DNAJC25: variants seen among roughly 807,000 people sequenced by gnomAD.
DNAJC25 encodes the protein dnaJ homolog subfamily C member 25.
In DNAJC25, 26 loss-of-function variants were observed where a neutral mutation model predicts 42.1. That is an observed-to-expected ratio of 0.62 (90% CI 0.45 to 0.86). The LOEUF is 0.86. Ranked by LOEUF, DNAJC25 falls within the 40% of genes least tolerant of loss-of-function variation. DNAJC25 has a pLI of 0.00. For missense variants in DNAJC25, 404 were observed against 459.4 expected, an observed-to-expected ratio of 0.88 and a Z score of 1.10; for synonymous variants, 189 against 179.9, an observed-to-expected ratio of 1.05 and a Z score of -0.40.
rs776960637 is a variant in DNAJC25, at chr9:111,649,610, A to T, written c.647A>T (p.Asp216Val). The T allele has an allele frequency of 1.2e-6, 2 of 1,614,146 alleles. No homozygotes were observed. Among genetic ancestry groups the T allele is most frequent in the East Asian group, 2.2e-5 (1 of 44,888 alleles). The change falls in exon 3 of 4, where the codon GAC becomes GTC. Residue 216 changes from aspartate (D) to valine (V), a missense_variant. Transcript: ENST00000313525. ...AAAAAGTCCAAAGAAGAAATTCGTG[A>T]CGAGGAGGAGAACATCATAAAGAAC... ...KNKKSKEEIR[D>V]EEENIIKNII...
intron 3 of DNAJC25, among the ~76,000 whole-genome samples, chr9:111,650,283 C>T (rs952861282): frequency 1.1e-4 from 16 of 146,494 alleles, no homozygotes; most frequent in Admixed American, 4.8e-4. Flanking sequence ...ATACTGTAAA[C>T]CTAGCCACAG....
At chr9:111,643,897 C>G (rs1331400489) in intron 1 of DNAJC25, among the ~76,000 whole-genome samples, 1 of 152,106 alleles carries the variant, frequency 6.6e-6, no homozygotes, top group African/African-American at 2.4e-5. Flanking sequence ...TAGGTTGATT[C>G]TAAACTTTGT....
intron 3 of DNAJC25, 90 bp downstream of exon 3, chr9:111,650,013 T>G: frequency 8.3e-7 from 1 of 1,197,764 alleles, no homozygotes; most frequent in Non-Finnish European, 1.1e-6. Flanking sequence ...AGAAGTGTGC[T>G]CACATTTCTG....
intron 2 of DNAJC25, among the ~76,000 whole-genome samples, chr9:111,649,043 T>C (rs1386559906): frequency 6.6e-6 from 1 of 152,158 alleles, no homozygotes; most frequent in Non-Finnish European, 1.5e-5. Context: ...TTAAACAAAT[T>C]CCTCACCAGC....
At chr9:111,641,305 A>G (rs1830457520) in intron 1 of DNAJC25, among the ~76,000 whole-genome samples, 1 of 134,468 alleles carries the variant, frequency 7.4e-6, no homozygotes, top group Admixed American at 7.3e-5. Context: ...CCTACTGGGA[A>G]GTGAGGAGCC....
intron 1 of DNAJC25, among the ~76,000 whole-genome samples, chr9:111,641,674 TG>T (rs1187035381): frequency 0.26 from 4,469 of 17,228 alleles, 8 homozygotes; most frequent in African/African-American, 0.3. Flanking sequence ...GGGAGGGAGG[TG>T]GGGGGGGGGT....
intron 1 of DNAJC25, chr9:111,642,730 G>A (rs1830500869): frequency 6.1e-6 from 2 of 328,392 alleles, no homozygotes; most frequent in Admixed American, 6.3e-5. Context: ...TTCAAGGGCA[G>A]GAACATAATA....
At chr9:111,646,079 A>G (rs1011399983) in intron 1 of DNAJC25, among the ~76,000 whole-genome samples, 12 of 152,184 alleles carry the variant, frequency 7.9e-5, no homozygotes, top group Admixed American at 4.6e-4. Flanking sequence ...GGCAAAACAG[A>G]CTTTTGTTTT....
In DNAJC25 at chr9:111,653,934, TA is replaced by T. The variant is rs1830704276; in HGVS notation, c.*713del. 1.3e-5 allele frequency: 2 copies of T among 152,762 alleles called. No homozygotes were observed. Among genetic ancestry groups the T allele is most frequent in the African/African-American group, 4.8e-5 (2 of 41,582 alleles). The allele number at this position is 152,762 out of a possible 1,614,324, so 9.5% of individuals were successfully genotyped here. On this transcript the variant is annotated 3_prime_UTR_variant, in exon 4 of 4. Coordinates refer to ENST00000313525, the MANE Select transcript of DNAJC25 (RefSeq NM_001015882.3). ...CTTGATTATAGTCTTATTATAGGAC[TA>T]TAACTGTATTCTCAACATTTCTCCA...
At chr9:111,644,979 C>T (rs1243666192) in intron 1 of DNAJC25, among the ~76,000 whole-genome samples, 2 of 152,128 alleles carry the variant, frequency 1.3e-5, no homozygotes, top group Non-Finnish European at 2.9e-5. Flanking sequence ...GAAGGAGTCA[C>T]GGATTGACAG....
At chr9:111,642,636 A>C in intron 1 of DNAJC25, among the ~76,000 whole-genome samples, 1 of 151,926 alleles carries the variant, frequency 6.6e-6, no homozygotes, top group African/African-American at 2.4e-5. Context: ...TAAATAAATA[A>C]ATAAATAAAA....
At chr9:111,642,471 G>T (rs28613597) in intron 1 of DNAJC25, among the ~76,000 whole-genome samples, 7,015 of 140,436 alleles carry the variant, frequency 0.05, 90 homozygotes, top group African/African-American at 0.13. Flanking sequence ...CACAAACACT[G>T]CGGAAGGCCG....
At chr9:111,648,390 T>C (rs1429068419) in intron 2 of DNAJC25, among the ~76,000 whole-genome samples, 3 of 151,942 alleles carry the variant, frequency 2.0e-5, no homozygotes, top group East Asian at 1.9e-4. Context: ...GCCTCCTGCA[T>C]AGCTGGGACT....
Position 111,631,676 on chromosome 9 carries a change from C to T in DNAJC25, c.269C>T (p.Pro90Leu), listed in dbSNP as rs552369308. Residue 90 changes from proline (P) to leucine (L), a missense_variant, in exon 1 of 4, where the codon CCC (proline) becomes CTC (leucine). Coordinates refer to ENST00000313525, the MANE Select transcript of DNAJC25 (RefSeq NM_001015882.3). Reference sequence around the variant, plus strand: ...CGGCCCCAGCCCGGAGACGAGGGCCCCGGGCGGACGCCGCAGAGCGCCGAG... The same window carrying T: ...CGGCCCCAGCCCGGAGACGAGGGCCTCGGGCGGACGCCGCAGAGCGCCGAG... ...RYRPQPGDEGPGRTPQSAEEA... is the reference protein window; with the variant it reads ...RYRPQPGDEGLGRTPQSAEEA... The T allele has an allele frequency of 2.6e-5, 40 of 1,523,324 alleles. No individual in the cohort carries two copies. The East Asian group carries it at 6.9e-4, about 26-fold the overall frequency. The allele number at this position is 1,523,324 out of a possible 1,614,324, so 94.4% of individuals were successfully genotyped here.
rs1830693847 is a variant in DNAJC25 at position 111,653,338 on chromosome 9, A to T, written c.*116A>T. On this transcript the variant is annotated 3_prime_UTR_variant, in exon 4 of 4. Coordinates refer to ENST00000313525, the MANE Select transcript of DNAJC25 (RefSeq NM_001015882.3). ...CAGCAGTAACTAAAATTCCTCAAGT[A>T]TTTGATTAAACAGAATAATGTCAAA... 1.6e-6 allele frequency: 2 copies of T among 1,218,130 alleles called. No homozygotes were observed. Among genetic ancestry groups the T allele is most frequent in the Non-Finnish European group, 2.1e-6 (2 of 937,874 alleles). 75.5% of individuals were successfully genotyped at this position (1,218,130 alleles called of 1,614,324 possible).
At chr9:111,634,148 C>G (rs1163128062) in intron 1 of DNAJC25, among the ~76,000 whole-genome samples, 1 of 152,174 alleles carries the variant, frequency 6.6e-6, no homozygotes, top group Non-Finnish European at 1.5e-5. Context: ...CAGCAGAACT[C>G]TTTGAAAACT....
intron 3 of DNAJC25, among the ~76,000 whole-genome samples, chr9:111,650,383 T>G (rs957341104): frequency 3.3e-5 from 5 of 152,126 alleles, no homozygotes; most frequent in Non-Finnish European, 1.5e-5. Flanking sequence ...CAAGATATTC[T>G]GCGTAATAAC....
intron 1 of DNAJC25, among the ~76,000 whole-genome samples, chr9:111,642,642 T>TAAATAAATAAAA (rs1830498100): frequency 9.2e-6 from 1 of 108,574 alleles, no homozygotes; most frequent in East Asian, 2.8e-4. Context: ...AATAAATAAA[T>TAAATAAATAAAA]AAAAAATAAA....
chr9:111,644,554 A>C (rs570288057), intron 1 of DNAJC25, among the ~76,000 whole-genome samples: 40 of 152,364 alleles, frequency 2.6e-4, no homozygotes, highest in African/African-American at 9.4e-4. Context: ...ACGACACTCC[A>C]AGACCTTACT....
Sources: gnomAD v4.1 joint callset for allele counts (sites outside exome capture counted in the v4.1 genomes callset) on GRCh38, gnomAD v4.1.1 for gene constraint, MANE v1.5 for transcripts, NCBI Gene and HGNC (gene_info 2026-07-23, HGNC 2026-07-21) for gene names.